Variants in DOCK3 observed in about 807,000 individuals in gnomAD.
DOCK3 encodes the protein dedicator of cytokinesis protein 3.
In DOCK3, 60 loss-of-function variants were observed where a neutral mutation model predicts 265.6. The observed-to-expected ratio is 0.23, with a 90% CI of 0.18 to 0.28. The LOEUF (loss-of-function observed/expected upper bound fraction) is 0.28, where lower values mean the gene tolerates loss of function less well. DOCK3 is among the 10% of genes least tolerant of loss of function. The pLI is 1.00. For synonymous variants in DOCK3, 881 were observed against 938.0 expected, an observed-to-expected ratio of 0.94 and a Z score of 1.11; for missense variants, 1,981 against 2,594.3, an observed-to-expected ratio of 0.76 and a Z score of 5.14.
At chr3:50,944,407 T>C (rs1286400634) in intron 5 of DOCK3, among the ~76,000 whole-genome samples, 1 of 152,232 alleles carries the variant, frequency 6.6e-6, no homozygotes, top group Non-Finnish European at 1.5e-5. Context: ...ACTTGACTGG[T>C]CTTATAAAAA....
intron 4 of DOCK3, among the ~76,000 whole-genome samples, chr3:50,900,295 GA>G: frequency 6.6e-6 from 1 of 151,998 alleles, no homozygotes; most frequent in East Asian, 1.9e-4. Context: ...TATGCTTCAC[GA>G]AGTTCTTGTG....
intron 3 of DOCK3, among the ~76,000 whole-genome samples, chr3:50,860,565 T>C (rs2046861973): frequency 6.6e-6 from 1 of 152,188 alleles, no homozygotes; most frequent in South Asian, 2.1e-4. Flanking sequence ...TGAGAGGTCC[T>C]GTTTGGTGAG....
intron 2 of DOCK3, among the ~76,000 whole-genome samples, chr3:50,781,267 CTTTTTT>C (rs34844040): frequency 1.7e-5 from 2 of 120,492 alleles, no homozygotes; most frequent in African/African-American, 6.3e-5. Flanking sequence ...TATAGTAGTT[CTTTTTT>C]TTTTTTTTTT....
intron 5 of DOCK3, among the ~76,000 whole-genome samples, chr3:51,052,847 C>A (rs910814218): frequency 1.3e-5 from 2 of 151,666 alleles, no homozygotes; most frequent in African/African-American, 4.8e-5. Context: ...CATTTCTCAT[C>A]CACTCTAGGA....
chr3:51,332,935 T>C, intron 33 of DOCK3, 66 bp from the exon 34 acceptor site: 1 of 1,601,860 alleles, frequency 6.2e-7, no homozygotes, highest in Non-Finnish European at 8.5e-7. Flanking sequence ...AAATAGAAGA[T>C]GTGTTTTCAT....
chr3:50,920,063 C>T (rs2050354441), intron 4 of DOCK3, among the ~76,000 whole-genome samples: 1 of 152,162 alleles, frequency 6.6e-6, no homozygotes, highest in Non-Finnish European at 1.5e-5. Context: ...TATTGATTTG[C>T]ATATGTTGAA....
chr3:50,904,373 C>G (rs9817388), intron 4 of DOCK3, among the ~76,000 whole-genome samples: 4,793 of 152,252 alleles, frequency 0.031, 271 homozygotes, highest in African/African-American at 0.11. Flanking sequence ...GTTTACAGTC[C>G]CACCAACAGT....
chr3:50,835,626 TA>T lies in DOCK3; in HGVS notation c.122-6048del, dbSNP rs2045461505. ...AAGAACCAGTACTTGTAAGATTTTT[TA>T]TTAGCCAGTTTTTAGGTTTCTCTTT... On this transcript the variant is annotated intron_variant, in intron 2 of 52. Transcript: ENST00000266037. Among the ~76,000 whole-genome samples, 3 of 152,228 alleles carry T rather than the reference TA, an allele frequency of 2.0e-5. No individual in the cohort carries two copies. The South Asian group carries it at 6.2e-4, about 31-fold the overall frequency.
At chr3:51,014,784 A>G (rs2079087557) in intron 5 of DOCK3, among the ~76,000 whole-genome samples, 1 of 152,066 alleles carries the variant, frequency 6.6e-6, no homozygotes, top group South Asian at 2.1e-4. Flanking sequence ...CAATCCATGG[A>G]CTATCTTTCC....
intron 9 of DOCK3, among the ~76,000 whole-genome samples, chr3:51,116,046 A>G (rs1576131812): frequency 6.6e-6 from 1 of 151,972 alleles, no homozygotes; most frequent in Non-Finnish European, 1.5e-5. Flanking sequence ...GGTTACTGTC[A>G]CCTTGTAGTA....
At chr3:50,983,957 G>A (rs1335220306) in intron 5 of DOCK3, among the ~76,000 whole-genome samples, 1 of 152,142 alleles carries the variant, frequency 6.6e-6, no homozygotes, top group African/African-American at 2.4e-5. Context: ...GTTCCCTGGT[G>A]CCAGCTTTGG....
chr3:51,143,493 C>A (rs1047252854), intron 9 of DOCK3, among the ~76,000 whole-genome samples: 7 of 152,080 alleles, frequency 4.6e-5, no homozygotes, highest in African/African-American at 7.2e-5. Flanking sequence ...TGGTCTCAAA[C>A]TCCTGACCTC....
At chr3:50,690,269 A>G (rs900905635) in intron 1 of DOCK3, among the ~76,000 whole-genome samples, 3 of 151,666 alleles carry the variant, frequency 2.0e-5, no homozygotes, top group Admixed American at 1.3e-4. Context: ...AGTAGCTAGT[A>G]CTATAGGCAT....
At chr3:50,754,410 CTG>C (rs1227149300) in intron 1 of DOCK3, among the ~76,000 whole-genome samples, 1 of 152,068 alleles carries the variant, frequency 6.6e-6, no homozygotes, top group Non-Finnish European at 1.5e-5. Context: ...TGTAACAAAT[CTG>C]TACATTACCC....
intron 1 of DOCK3, among the ~76,000 whole-genome samples, chr3:50,760,113 A>G (rs2040434933): frequency 6.6e-6 from 1 of 151,982 alleles, no homozygotes; most frequent in African/African-American, 2.4e-5. Flanking sequence ...TTTTCTTCTA[A>G]GAGTTTTACA....
chr3:51,133,342 T>C lies in DOCK3; in HGVS notation c.747-13207T>C, dbSNP rs187752531. 3.2e-3 allele frequency among the ~76,000 whole-genome samples: 373 copies of C among 117,090 alleles called. 1 individual carries two copies. The highest frequency in any genetic ancestry group is 0.012 in the African/African-American group (357 of 30,404). The allele number at this position is 117,090 out of a possible 152,430, so 76.8% of individuals were successfully genotyped here. On this transcript the variant is annotated intron_variant, in intron 9 of 52. Transcript: ENST00000266037. ...CCCCACCCCATGACAGGCCCCATTG[T>C]GTGATGTTCCCCACCCTGTGTCCAA... is the stretch of plus-strand genomic sequence containing the variant.
chr3:51,181,277 T>TCCCTCCC (rs2087277434), intron 12 of DOCK3, among the ~76,000 whole-genome samples: 1 of 123,676 alleles, frequency 8.1e-6, no homozygotes, highest in East Asian at 3.0e-4. Context: ...CCTAATGCTT[T>TCCCTCCC]CCCTCCCCCC....
chr3:50,939,463 A>T (rs2051576882), intron 5 of DOCK3, among the ~76,000 whole-genome samples: 1 of 152,132 alleles, frequency 6.6e-6, no homozygotes, highest in Admixed American at 6.5e-5. Context: ...TATGTTTGTG[A>T]CTATAGACAC....
chr3:50,921,949 G>A (rs538267065), intron 4 of DOCK3, among the ~76,000 whole-genome samples: 28 of 152,242 alleles, frequency 1.8e-4, no homozygotes, highest in African/African-American at 5.8e-4. Flanking sequence ...GGCTGTATTC[G>A]GTGTCAGTCA....
Sources: allele counts gnomAD v4.1 joint callset (sites outside exome capture counted in the v4.1 genomes callset), GRCh38; gene constraint gnomAD v4.1.1; transcripts MANE v1.5; gene names NCBI Gene and HGNC (gene_info 2026-07-23, HGNC 2026-07-21).